Variants in RIBC2 observed in about 807,000 individuals in gnomAD.
RIBC2 encodes the protein RIB43A-like with coiled-coils protein 2.
In RIBC2, 40 loss-of-function variants were observed where a neutral mutation model predicts 44.3. The observed-to-expected ratio is 0.90, with a 90% CI of 0.70 to 1.18. The LOEUF (loss-of-function observed/expected upper bound fraction) is 1.18, where lower values mean the gene tolerates loss of function less well. Among genes scored for constraint, RIBC2 ranks in the 50% most tolerant of loss-of-function variants. RIBC2 has a pLI of 0.00. For missense variants in RIBC2, 459 were observed against 485.5 expected, an observed-to-expected ratio of 0.95 and a Z score of 0.51; for synonymous variants, 171 against 175.0, an observed-to-expected ratio of 0.98 and a Z score of 0.18.
chr22:45,431,042 G>A lies in RIBC2; in HGVS notation c.1046G>A (p.Ser349Asn). 6.3e-7 allele frequency: 1 copy of A among 1,579,606 alleles called. No homozygotes were observed. Among genetic ancestry groups the A allele is most frequent in the Admixed American group, 1.8e-5 (1 of 54,912 alleles). Residue 349 changes from serine to asparagine, a missense_variant, in exon 6 of 7, where the codon AGC (serine) becomes AAC (asparagine). By Grantham distance (46) the Ser-to-Asn change is conservative. Coordinates refer to ENST00000614167, the MANE Select transcript of RIBC2 (RefSeq NM_015653.5). ...AGAGCTCTGGACAGCAGCAACCTCA[G>A]CCTGGCCAAGGAGCAGCATTTGCAG... The part of the protein sequence containing the change: ...LRRALDSSNL[S>N]LAKEQHLQKK...
intron 2 of RIBC2, among the ~76,000 whole-genome samples, chr22:45,416,994 T>G (rs2087431486): frequency 6.7e-6 from 1 of 149,450 alleles, no homozygotes; most frequent in Non-Finnish European, 1.5e-5. Context: ...CTCTGCCTCC[T>G]GGGTTCAAGC....
chr22:45,422,382 T>C lies in RIBC2; in HGVS notation c.649T>C (p.Ser217Pro), dbSNP rs1333688470. 5 of 1,614,092 alleles carry C rather than the reference T, an allele frequency of 3.1e-6. No homozygotes were observed. The highest frequency in any genetic ancestry group is 4.2e-6 in the Non-Finnish European group (5 of 1,179,956). ...ESTTRKAVCA[S>P]VKDFNKSQAI... ...CACCACCAGAAAGGCAGTTTGTGCA[T>C]CTGTGAAAGACTTCAACAAGAGCCA... is the stretch of plus-strand genomic sequence containing the variant. The change falls in exon 4 of 7, where the codon TCT becomes CCT. Residue 217 changes from serine to proline, a missense_variant. Transcript: ENST00000614167.
intron 5 of RIBC2, among the ~76,000 whole-genome samples, chr22:45,429,251 T>G (rs1324574382): frequency 6.6e-6 from 1 of 151,794 alleles, no homozygotes; most frequent in East Asian, 1.9e-4. Flanking sequence ...CTACTCAAGT[T>G]TGAGAACCAC....
chr22:45,429,172 G>C (rs947495797), intron 5 of RIBC2, among the ~76,000 whole-genome samples: 1 of 152,164 alleles, frequency 6.6e-6, no homozygotes, highest in African/African-American at 2.4e-5. Context: ...GAGGGTCTCC[G>C]GACCCACAGC....
Position 45,422,572 on chromosome 22 carries a change from T to C in RIBC2, c.675+164T>C, listed in dbSNP as rs900522478. The C allele has an allele frequency of 5.0e-5, 33 of 655,380 alleles. No individual in the cohort carries two copies. The African/African-American group carries it at 5.0e-4, about 10-fold the overall frequency. 40.6% of individuals were successfully genotyped at this position (655,380 alleles called of 1,614,324 possible). On this transcript the variant is annotated intron_variant, in intron 4 of 6. Transcript: ENST00000614167. The stretch of plus-strand genomic sequence containing the variant: ...CTGATGGGCTGCCTGATGACAGAGA[T>C]GGATGAGACCCAGTCCTGTGCCTTA...
chr22:45,422,381 A>G lies in RIBC2; in HGVS notation c.648A>G (p.Ala216=). Residue 216 remains alanine, a synonymous_variant, in exon 4 of 7, where the codon GCA becomes GCG. Transcript: ENST00000614167. Reference sequence around the variant, plus strand: ...GCACCACCAGAAAGGCAGTTTGTGCATCTGTGAAAGACTTCAACAAGAGCC... The same window carrying G: ...GCACCACCAGAAAGGCAGTTTGTGCGTCTGTGAAAGACTTCAACAAGAGCC... The part of the protein sequence containing the change: ...LESTTRKAVC[A]SVKDFNKSQA... The G allele has an allele frequency of 1.2e-6, 2 of 1,614,140 alleles. No individual in the cohort carries two copies. The highest frequency in any genetic ancestry group is 1.1e-5 in the South Asian group (1 of 91,084).
Position 45,417,750 on chromosome 22 carries a change from C to G in RIBC2, c.360C>G (p.Pro120=). Residue 120 remains proline, a synonymous_variant, in exon 3 of 7, where the codon CCC becomes CCG. Transcript: ENST00000614167. The stretch of plus-strand genomic sequence containing the variant: ...GCCGTGAATTTGATCTGTCCGACCC[C>G]CTAGCCCTTAAGAAAGATCTTCCAG... ...ETRREFDLSD[P]LALKKDLPAR... 1.2e-6 allele frequency: 2 copies of G among 1,614,106 alleles called. No individual in the cohort carries two copies. The highest frequency in any genetic ancestry group is 1.7e-6 in the Non-Finnish European group (2 of 1,180,034).
chr22:45,418,057 C>A, intron 3 of RIBC2, 111 bp downstream of exon 3: 1 of 738,936 alleles, frequency 1.4e-6, no homozygotes, highest in Non-Finnish European at 2.1e-6. Context: ...TTTTAAGCAA[C>A]CCTACAGTTT....
At chr22:45,432,240 T>C (rs762856560) in intron 6 of RIBC2, 44 bp from the exon 7 acceptor site, 1 of 1,035,020 alleles carries the variant, frequency 9.7e-7, no homozygotes, top group Non-Finnish European at 1.5e-6. Flanking sequence ...GAATAGGAAG[T>C]ATACACATTT....
chr22:45,416,005 G>A (rs1311477054), intron 2 of RIBC2, among the ~76,000 whole-genome samples: 1 of 152,004 alleles, frequency 6.6e-6, no homozygotes, highest in African/African-American at 2.4e-5. Context: ...CAGCCCCCAC[G>A]CACTATTTAT....
In RIBC2 at chr22:45,414,427, C is replaced by G. The variant is rs532783152; in HGVS notation, c.211+24C>G. The stretch of plus-strand genomic sequence containing the variant: ...TGGTGAGCATTTCCTGAATGCTTAT[C>G]TATTGGTTTAGGATTGTGTGGCTTT... On this transcript the variant is annotated intron_variant, in intron 2 of 6. Coordinates refer to ENST00000614167, the MANE Select transcript of RIBC2 (RefSeq NM_015653.5). 31 of 1,506,498 alleles carry G rather than the reference C, an allele frequency of 2.1e-5. No individual in the cohort carries two copies. The South Asian group carries it at 3.2e-4, about 15-fold the overall frequency. The allele number at this position is 1,506,498 out of a possible 1,614,324, so 93.3% of individuals were successfully genotyped here. A position where few individuals can be genotyped will look rare whatever the true frequency, so the allele number is the denominator to read the frequency against.
At chr22:45,429,679 G>C (rs1029404756) in intron 5 of RIBC2, among the ~76,000 whole-genome samples, 1 of 152,170 alleles carries the variant, frequency 6.6e-6, no homozygotes, top group Admixed American at 6.5e-5. Context: ...AAAGGGCGCC[G>C]GGGCTGGAAT....
At chr22:45,420,951 C>A (rs1056395799) in intron 3 of RIBC2, among the ~76,000 whole-genome samples, 1 of 152,156 alleles carries the variant, frequency 6.6e-6, no homozygotes, top group Non-Finnish European at 1.5e-5. Context: ...AATCCCAGCA[C>A]TTTGGGAGGC....
At chr22:45,431,265 C>A (rs371750679) in intron 6 of RIBC2, among the ~76,000 whole-genome samples, 199 bp downstream of exon 6, 1 of 152,134 alleles carries the variant, frequency 6.6e-6, no homozygotes, top group African/African-American at 2.4e-5. Context: ...ACACGGGGTG[C>A]ATGGGTGGAG....
chr22:45,426,344 C>T (rs1267674692), intron 5 of RIBC2, among the ~76,000 whole-genome samples, 169 bp downstream of exon 5: 1 of 152,200 alleles, frequency 6.6e-6, no homozygotes. Flanking sequence ...GTGTCACACC[C>T]GTATGATGTG....
intron 3 of RIBC2, among the ~76,000 whole-genome samples, chr22:45,419,997 C>T (rs1013516909): frequency 6.6e-6 from 1 of 152,158 alleles, no homozygotes; most frequent in Non-Finnish European, 1.5e-5. Context: ...CTGCACTCCA[C>T]CCTGGGTGAG....
In RIBC2 at chr22:45,432,321, A is replaced by G. The variant is rs1295147188; in HGVS notation, c.1108A>G (p.Thr370Ala). The change falls in exon 7 of 7, where the codon ACG becomes GCG. Residue 370 changes from threonine (T) to alanine (A), a missense_variant. Transcript: ENST00000614167. ...YMNEVYTNQP[T>A]GDYFTQFNTG... is the part of the protein sequence containing the mutation. ...GAATGAAGTCTATACAAATCAACCCACGGGAGACTATTTCACACAATTTAA... is the reference window on the plus strand; with the variant it reads ...GAATGAAGTCTATACAAATCAACCCGCGGGAGACTATTTCACACAATTTAA... 1.2e-6 allele frequency: 2 copies of G among 1,601,738 alleles called. No homozygotes were observed. Among genetic ancestry groups the G allele is most frequent in the Non-Finnish European group, 1.7e-6 (2 of 1,170,142 alleles).
chr22:45,423,932 G>A (rs76518741), intron 4 of RIBC2, among the ~76,000 whole-genome samples: 197 of 152,296 alleles, frequency 1.3e-3, no homozygotes, highest in African/African-American at 4.4e-3. Context: ...TTATGGAAGC[G>A]ATGGTGATGA....
intron 5 of RIBC2, among the ~76,000 whole-genome samples, chr22:45,426,894 G>A (rs2087539586): frequency 1.3e-5 from 2 of 152,050 alleles, no homozygotes; most frequent in African/African-American, 2.4e-5. Context: ...AGGTAGAGTC[G>A]ACAGGATTGG....
Sources: allele counts gnomAD v4.1 joint callset (sites outside exome capture counted in the v4.1 genomes callset), GRCh38; gene constraint gnomAD v4.1.1; transcripts MANE v1.5; gene names NCBI Gene and HGNC (gene_info 2026-07-23, HGNC 2026-07-21).